The following DLG5 variants were observed in gnomAD, a reference collection of about 807,000 sequenced individuals.
DLG5 encodes the protein discs large MAGUK scaffold protein 5, also known as disks large homolog 5.
DLG5 carries 48 observed loss-of-function variants against 189.8 expected under a neutral mutation model. The ratio of observed to expected loss-of-function variants is 0.25; its 90% CI spans 0.20 to 0.32. The LOEUF is 0.32. Among genes scored for constraint, DLG5 ranks in the 10% least tolerant of loss-of-function variants. DLG5 has a pLI of 1.00. For missense variants in DLG5, 2,160 were observed against 2,544.7 expected (o/e 0.85, Z 3.25); for synonymous variants, 1,016 against 1,054.1 (o/e 0.96, Z 0.70).
At chr10:77,793,982 C>G in intron 31 of DLG5, 26 bp downstream of exon 31, 1 of 1,600,122 alleles carries the variant, frequency 6.2e-7, no homozygotes, top group Non-Finnish European at 8.6e-7. Flanking sequence ...CTGCCTGCTC[C>G]CCACTCCAGG....
At chr10:77,892,456 T>G (rs1845637513) in intron 1 of DLG5, among the ~76,000 whole-genome samples, 1 of 152,232 alleles carries the variant, frequency 6.6e-6, no homozygotes, top group South Asian at 2.1e-4. Context: ...TGTTCTTACT[T>G]GTAAGACAGC....
intron 1 of DLG5, among the ~76,000 whole-genome samples, chr10:77,902,673 A>C (rs1845960255): frequency 6.6e-6 from 1 of 152,044 alleles, no homozygotes; most frequent in African/African-American, 2.4e-5. Flanking sequence ...ATCCTGGCTA[A>C]CATGGTGAAA....
chr10:77,811,270 C>A, intron 22 of DLG5, 36 bp from the exon 23 acceptor site: 1 of 1,593,528 alleles, frequency 6.3e-7, no homozygotes, highest in South Asian at 1.1e-5. Context: ...AGGAGCAGTA[C>A]GAAGCCACCC....
upstream of DLG5, chr10:77,927,577 G>A (rs1846738773): frequency 6.6e-6 from 1 of 152,272 alleles, no homozygotes; most frequent in Non-Finnish European, 1.5e-5. Context: ...AAGGAGTTAG[G>A]ATGTTGGCAG....
rs185119226 is a variant in DLG5 at position 77,865,006 on chromosome 10, G to C, written c.373+4123C>G. ...GCCAACTACTTCCCAGCTGCATCTA[G>C]TCCAGAGCACTTTTCCTGGAAGGCC... On this transcript the variant is annotated intron_variant, in intron 2 of 31. Coordinates refer to ENST00000372391, the MANE Select transcript of DLG5 (RefSeq NM_004747.4). Among the ~76,000 whole-genome samples, 87 of 152,278 alleles carry C rather than the reference G, an allele frequency of 5.7e-4. 1 individual carries two copies. The highest frequency in any genetic ancestry group is 2.0e-3 in the African/African-American group (82 of 41,552).
At chr10:77,937,182 A>G in the DLG5 span, among the ~76,000 whole-genome samples, 28 of 152,072 alleles carry the variant, frequency 1.8e-4, 1 homozygote, top group East Asian at 1.2e-3. Context: ...GCTTGGCCCA[A>G]TGCTCCAGCT....
chr10:77,816,317 T>C, intron 20 of DLG5: 1 of 710,666 alleles, frequency 1.4e-6, no homozygotes, highest in Non-Finnish European at 2.5e-6. Flanking sequence ...GTCAGGTCAT[T>C]TCCAGCATCA....
intron 7 of DLG5, among the ~76,000 whole-genome samples, chr10:77,837,890 C>A (rs1389414286): frequency 6.6e-6 from 1 of 152,220 alleles, no homozygotes; most frequent in Non-Finnish European, 1.5e-5. Context: ...CAGACCCAGG[C>A]ATGAGGCCAG....
chr10:77,910,623 G>A (rs933211717), intron 1 of DLG5, among the ~76,000 whole-genome samples: 1 of 152,104 alleles, frequency 6.6e-6, no homozygotes, highest in African/African-American at 2.4e-5. Context: ...AGGAGTTTGG[G>A]CAAAGTGGTT....
chr10:77,858,426 G>A (rs991629932), intron 2 of DLG5, among the ~76,000 whole-genome samples: 2 of 152,144 alleles, frequency 1.3e-5, no homozygotes, highest in African/African-American at 4.8e-5. Context: ...CTTGAGCTCA[G>A]GAGTTTGAGA....
At chr10:77,866,213 C>T (rs1177945944) in intron 2 of DLG5, among the ~76,000 whole-genome samples, 2 of 152,190 alleles carry the variant, frequency 1.3e-5, no homozygotes, top group Non-Finnish European at 2.9e-5. Context: ...GGCACTCCAC[C>T]CCGAGGGACT....
chr10:77,906,416 C>T (rs1237834531), intron 1 of DLG5, among the ~76,000 whole-genome samples: 2 of 152,316 alleles, frequency 1.3e-5, no homozygotes, highest in East Asian at 3.9e-4. Context: ...CCGTAAGCAT[C>T]ACTGGTGTGA....
In DLG5 at chr10:77,792,343, A is replaced by G; in HGVS notation, c.*97T>C. On this transcript the variant is annotated 3_prime_UTR_variant, in exon 32 of 32. Transcript: ENST00000372391. ...TTCCGGATCCTTCCCCCGCATGTTC[A>G]TAGACGGACAGACTTCTACTTTCAG... 1 of 1,242,418 alleles carries G rather than the reference A, an allele frequency of 8.0e-7. No individual in the cohort carries two copies. Among genetic ancestry groups the G allele is most frequent in the South Asian group, 1.2e-5 (1 of 80,932 alleles). 77.0% of individuals were successfully genotyped at this position (1,242,418 alleles called of 1,614,324 possible). A position where few individuals can be genotyped will look rare whatever the true frequency, so the allele number is the denominator to read the frequency against.
intron 20 of DLG5, among the ~76,000 whole-genome samples, chr10:77,814,937 G>A (rs541381464): frequency 2.0e-5 from 3 of 152,198 alleles, no homozygotes. Context: ...GGGAAACGGG[G>A]CCATTTTTAA....
At chr10:77,933,646 C>A in the DLG5 span, among the ~76,000 whole-genome samples, 1 of 151,706 alleles carries the variant, frequency 6.6e-6, no homozygotes, top group South Asian at 2.1e-4. Flanking sequence ...ATCGCTTGAA[C>A]CTGAGAGGCA....
intron 1 of DLG5, among the ~76,000 whole-genome samples, chr10:77,917,792 C>T (rs1284488175): frequency 2.0e-5 from 3 of 151,800 alleles, no homozygotes; most frequent in Non-Finnish European, 2.9e-5. Flanking sequence ...TTTGGGAGGC[C>T]GAGGCGGGTG....
intron 1 of DLG5, among the ~76,000 whole-genome samples, chr10:77,878,905 C>T (rs1054884924): frequency 2.6e-5 from 4 of 152,284 alleles, no homozygotes; most frequent in Admixed American, 6.5e-5. Flanking sequence ...AAAGATGCTA[C>T]GCATTGGTGG....
intron 1 of DLG5, among the ~76,000 whole-genome samples, chr10:77,922,319 A>G (rs1447081015): frequency 6.6e-6 from 1 of 152,126 alleles, no homozygotes; most frequent in African/African-American, 2.4e-5. Flanking sequence ...TGTTTCCCCA[A>G]ATCAAAGGGA....
intron 6 of DLG5, 115 bp from the exon 7 acceptor site, chr10:77,842,308 C>A: frequency 7.9e-7 from 1 of 1,271,714 alleles, no homozygotes. Flanking sequence ...CGTGAAGTTT[C>A]AAGTGAAGTC....
Sources: gnomAD v4.1 joint callset for allele counts (sites outside exome capture counted in the v4.1 genomes callset) on GRCh38, gnomAD v4.1.1 for gene constraint, MANE v1.5 for transcripts, NCBI Gene and HGNC (gene_info 2026-07-23, HGNC 2026-07-21) for gene names.